The following ZNF831 variants were observed in gnomAD, a reference collection of about 807,000 sequenced individuals.
ZNF831 encodes chromosome 20 open reading frame 174.
In ZNF831, 59 loss-of-function variants were observed where a neutral mutation model predicts 95.8. That is an observed-to-expected ratio of 0.62 (90% CI 0.50 to 0.77). The LOEUF is 0.77. ZNF831 is among the 30% of genes least tolerant of loss of function. The probability of loss-of-function intolerance (pLI) is 0.00; values close to 1 mark genes in which losing one functional copy is unlikely to be tolerated. For synonymous variants in ZNF831, 961 were observed against 925.5 expected, an observed-to-expected ratio of 1.04 and a Z score of -0.70; for missense variants, 2,205 against 2,164.0, an observed-to-expected ratio of 1.02 and a Z score of -0.38.
chr20:59,222,192 C>T (rs776492199), intron 4 of ZNF831, among the ~76,000 whole-genome samples: 17 of 152,242 alleles, frequency 1.1e-4, no homozygotes, highest in Admixed American at 3.9e-4. Flanking sequence ...AAGCGATCAA[C>T]GCAGAGCCCC....
At chr20:59,186,546 G>A (rs1983056753) in intron 1 of ZNF831, among the ~76,000 whole-genome samples, 1 of 152,194 alleles carries the variant, frequency 6.6e-6, no homozygotes, top group Admixed American at 6.5e-5. Context: ...TCTTAGAGAT[G>A]AGGAAACAGT....
intron 4 of ZNF831, among the ~76,000 whole-genome samples, chr20:59,232,240 A>T (rs375114497): frequency 7.4e-5 from 11 of 149,196 alleles, no homozygotes; most frequent in African/African-American, 2.8e-4. Flanking sequence ...ATTCATATTT[A>T]GCTTTTAAAG....
intron 1 of ZNF831, among the ~76,000 whole-genome samples, chr20:59,174,509 A>G (rs150315794): frequency 2.0e-5 from 3 of 152,320 alleles, no homozygotes; most frequent in Non-Finnish European, 2.9e-5. Flanking sequence ...TACATTTAGA[A>G]CCATATCAGA....
At position 59,194,705 on chromosome 20, in the gene ZNF831, G is replaced by T. The variant is rs1477672918; in HGVS notation, c.3686G>T (p.Gly1229Val). ...CCCAATGGCCCTCCTGGGAGCAATG[G>T]AGGATGGACCTGGACAAGCCCTGGA... ...EGPNGPPGSN[G>V]GWTWTSPGEG... Residue 1229 changes from glycine to valine, a missense_variant, in exon 2 of 6, where the codon GGA becomes GTA. Coordinates refer to ENST00000371030, the MANE Select transcript of ZNF831 (RefSeq NM_178457.3). 4 of 1,605,748 alleles carry T rather than the reference G, an allele frequency of 2.5e-6. No homozygotes were observed. The highest frequency in any genetic ancestry group is 3.4e-6 in the Non-Finnish European group (4 of 1,176,064).
In ZNF831 at chr20:59,254,174, T is replaced by G. The variant is rs748262050; in HGVS notation, c.4465T>G (p.Ser1489Ala). 1 of 1,614,102 alleles carries G rather than the reference T, an allele frequency of 6.2e-7. No individual in the cohort carries two copies. The highest frequency in any genetic ancestry group is 8.5e-7 in the Non-Finnish European group (1 of 1,180,014). Residue 1489 changes from serine (S) to alanine (A), a missense_variant, in exon 6 of 6, where the codon TCT becomes GCT. By Grantham distance (99) the Ser-to-Ala change is moderately conservative. Transcript: ENST00000371030. The surrounding 1 kb of genome is among the most constrained non-coding windows in gnomAD (Gnocchi z 4.5). The stretch of plus-strand genomic sequence containing the variant: ...TTTTCCCCACCATGACATTGCTACC[T>G]CTGTGGCTGCCGTTTGTATTTCTCT... ...GTFPHHDIATSVAAVCISLPV... is the reference protein window; with the variant it reads ...GTFPHHDIATAVAAVCISLPV...
chr20:59,146,431 G>C (rs1243897721), intron 2 of ZNF831: 1 of 152,312 alleles, frequency 6.6e-6, no homozygotes, highest in South Asian at 2.1e-4. Flanking sequence ...TGCAAGGCCA[G>C]ATGAAGGGAT....
At chr20:59,135,513 T>C (rs1435907702) in intron 1 of ZNF831, among the ~76,000 whole-genome samples, 2 of 152,148 alleles carry the variant, frequency 1.3e-5, no homozygotes, top group East Asian at 1.9e-4. Flanking sequence ...GGGCAGATCA[T>C]GAGGTCAAGA....
intron 4 of ZNF831, among the ~76,000 whole-genome samples, chr20:59,246,043 G>A (rs896717839): frequency 1.3e-5 from 2 of 152,076 alleles, no homozygotes; most frequent in Admixed American, 6.5e-5. Flanking sequence ...GGTTTTCTTC[G>A]GTGGTTTCTT....
chr20:59,223,825 CACAT>C (rs1986257629), intron 4 of ZNF831, among the ~76,000 whole-genome samples: 3 of 151,872 alleles, frequency 2.0e-5, no homozygotes, highest in African/African-American at 7.2e-5. Flanking sequence ...AATTTAAACA[CACAT>C]ACACGCACGG....
chr20:59,152,307 G>A (rs746382513), intron 2 of ZNF831, among the ~76,000 whole-genome samples: 38 of 149,246 alleles, frequency 2.5e-4, no homozygotes, highest in Non-Finnish European at 4.7e-4. Flanking sequence ...GCTGAGGTTC[G>A]GGAGTGGGAG....
intron 2 of ZNF831, among the ~76,000 whole-genome samples, chr20:59,157,830 A>G (rs1176809227): frequency 6.6e-6 from 1 of 152,200 alleles, no homozygotes; most frequent in Non-Finnish European, 1.5e-5. Context: ...TTTGTTCCCC[A>G]TCTGGGCCAG....
At chr20:59,216,247 T>C (rs1200931380) in intron 4 of ZNF831, among the ~76,000 whole-genome samples, 1 of 152,188 alleles carries the variant, frequency 6.6e-6, no homozygotes, top group Non-Finnish European at 1.5e-5. Flanking sequence ...TTGTAAGGCT[T>C]TGACCTGTAT....
At chr20:59,195,786 G>A (rs929320807) in intron 2 of ZNF831, 83 bp from the exon 3 acceptor site, 1 of 1,531,862 alleles carries the variant, frequency 6.5e-7, no homozygotes, top group Non-Finnish European at 8.8e-7. Context: ...CAGGCATCTT[G>A]TCTGCAGAGC....
chr20:59,194,005 C>A lies in ZNF831; in HGVS notation c.2986C>A (p.Pro996Thr), dbSNP rs960201561. 1.3e-6 allele frequency: 2 copies of A among 1,530,162 alleles called. No individual in the cohort carries two copies. The highest frequency in any genetic ancestry group is 1.8e-6 in the Non-Finnish European group (2 of 1,140,902). 94.8% of individuals were successfully genotyped at this position (1,530,162 alleles called of 1,614,324 possible). Residue 996 changes from proline to threonine, a missense_variant, in exon 2 of 6, where the codon CCC (proline) becomes ACC (threonine). Transcript: ENST00000371030. ...TCTTTCTCCCAGCCCAGCCTCAGGC[C>A]CCTCCCCAGGTGAGGCGGACAGCAT... The part of the protein sequence containing the change: ...TPLSPSPASG[P>T]SPGEADSILE...
At chr20:59,230,066 G>A (rs1986641645) in intron 4 of ZNF831, among the ~76,000 whole-genome samples, 1 of 152,118 alleles carries the variant, frequency 6.6e-6, no homozygotes, top group South Asian at 2.1e-4. Flanking sequence ...TTTTCCATCT[G>A]AGACAATAAT....
At chr20:59,210,362 G>A (rs1335478299) in intron 4 of ZNF831, among the ~76,000 whole-genome samples, 2 of 152,294 alleles carry the variant, frequency 1.3e-5, no homozygotes, top group Admixed American at 6.5e-5. Context: ...CCCAGTGGCC[G>A]GCGGGATGGG....
At chr20:59,171,602 A>G (rs538357661) in intron 1 of ZNF831, among the ~76,000 whole-genome samples, 1 of 152,336 alleles carries the variant, frequency 6.6e-6, no homozygotes, top group South Asian at 2.1e-4. Context: ...TCAAGCTCTC[A>G]CTGAATATTC....
chr20:59,202,240 T>G (rs555973737), intron 3 of ZNF831, among the ~76,000 whole-genome samples: 28 of 152,110 alleles, frequency 1.8e-4, no homozygotes, highest in Non-Finnish European at 4.0e-4. Flanking sequence ...GAATTATATT[T>G]TATTTCCAAA....
At chr20:59,182,948 T>C (rs1982735819) in intron 1 of ZNF831, among the ~76,000 whole-genome samples, 2 of 152,332 alleles carry the variant, frequency 1.3e-5, no homozygotes, top group South Asian at 4.1e-4. Flanking sequence ...GGGCTGCTCT[T>C]GCTCTCTGGG....
Sources: gnomAD v4.1 joint callset for allele counts (sites outside exome capture counted in the v4.1 genomes callset) on GRCh38, gnomAD v4.1.1 for gene constraint, Gnocchi (gnomAD v3.1) non-coding constraint, MANE v1.5 for transcripts, NCBI Gene and HGNC (gene_info 2026-07-23, HGNC 2026-07-21) for gene names.